KCNAB2: variants seen among roughly 807,000 people sequenced by gnomAD.
KCNAB2 encodes the protein potassium voltage-gated channel subfamily A regulatory beta subunit 2, also known as voltage-gated potassium channel subunit beta-2.
A neutral mutation model predicts 63.6 loss-of-function variants in KCNAB2; 29 were observed. That is an observed-to-expected ratio of 0.46 (90% CI 0.34 to 0.62). The LOEUF (loss-of-function observed/expected upper bound fraction) is 0.62, where lower values mean the gene tolerates loss of function less well. KCNAB2 is among the 20% of genes least tolerant of loss of function. The pLI is 0.01. For synonymous variants in KCNAB2, 222 were observed against 224.2 expected (o/e 0.99, Z 0.09); for missense variants, 359 against 563.9 (o/e 0.64, Z 3.68).
intron 1 of KCNAB2, among the ~76,000 whole-genome samples, chr1:6,012,837 G>C (rs930671996): frequency 2.0e-5 from 3 of 152,014 alleles, no homozygotes; most frequent in African/African-American, 7.3e-5. Context: ...GTCGTGAGCT[G>C]TGTGTGTGTT....
intron 5 of KCNAB2, among the ~76,000 whole-genome samples, chr1:6,084,653 T>C (rs953564189): frequency 1.3e-5 from 2 of 152,082 alleles, no homozygotes; most frequent in African/African-American, 2.4e-5. Context: ...CCGTCTCTAC[T>C]AAAAATACAA....
Position 6,045,897 on chromosome 1 carries a change from T to C in KCNAB2, c.-313T>C. ...AACCCCACGCACCGGGAGTCAGCCT[T>C]GCCAGGTTGCAGCACGGAACTGCAC... On this transcript the variant is annotated 5_prime_UTR_variant, in exon 1 of 16. Coordinates refer to ENST00000378083, the MANE Select transcript of KCNAB2 (RefSeq NM_001199862.2). The surrounding 1 kb of genome is among the most constrained non-coding windows in gnomAD (Gnocchi z 4.8). The C allele has an allele frequency of 1.0e-6, 1 of 985,434 alleles. No homozygotes were observed. The highest frequency in any genetic ancestry group is 4.7e-5 in the South Asian group (1 of 21,286). 61.0% of individuals were successfully genotyped at this position (985,434 alleles called of 1,614,324 possible). A position where few individuals can be genotyped will look rare whatever the true frequency, so the allele number is the denominator to read the frequency against.
intron 6 of KCNAB2, 116 bp downstream of exon 6, chr1:6,085,364 T>C: frequency 2.3e-6 from 2 of 879,222 alleles, no homozygotes; most frequent in Non-Finnish European, 3.7e-6. Context: ...CCCACATCTT[T>C]CTTGCTGGGA....
chr1:6,083,850 G>A (rs1302014114), intron 5 of KCNAB2, among the ~76,000 whole-genome samples: 2 of 152,174 alleles, frequency 1.3e-5, no homozygotes, highest in East Asian at 1.9e-4. Context: ...TCTGTGTCCC[G>A]CGAACAGATG....
In KCNAB2 at chr1:6,078,275, C is replaced by G. The variant is rs1333671388; in HGVS notation, c.301-3920C>G. Among the ~76,000 whole-genome samples, 1 of 152,244 alleles carries G rather than the reference C, an allele frequency of 6.6e-6. No individual in the cohort carries two copies. The highest frequency in any genetic ancestry group is 1.5e-5 in the Non-Finnish European group (1 of 68,046). ...GTCACCTGTGATGGCACTGAGGGCC[C>G]ACTTAGCTAAGCCAGGACATTCTCC... On this transcript the variant is annotated intron_variant, in intron 4 of 15. Coordinates refer to ENST00000378083, the MANE Select transcript of KCNAB2 (RefSeq NM_001199862.2). The surrounding 1 kb of genome is among the most constrained non-coding windows in gnomAD (Gnocchi z 4.2).
At chr1:6,057,480 A>AGG (rs3838291) in intron 2 of KCNAB2, among the ~76,000 whole-genome samples, 2 of 151,924 alleles carry the variant, frequency 1.3e-5, no homozygotes, top group Non-Finnish European at 2.9e-5. Context: ...AGCAGAGACC[A>AGG]GGGGGGATGG....
intron 1 of KCNAB2, among the ~76,000 whole-genome samples, chr1:6,004,841 A>G (rs1657463533): frequency 1.3e-5 from 2 of 151,610 alleles, no homozygotes; most frequent in African/African-American, 4.8e-5. Flanking sequence ...TCCCACCTCC[A>G]GCCCCGTCTC....
intron 7 of KCNAB2, 136 bp from the exon 8 acceptor site, chr1:6,088,872 C>G (rs906879599): frequency 9.7e-6 from 8 of 825,674 alleles, no homozygotes; most frequent in Admixed American, 4.8e-5. Context: ...GTCCCTACCC[C>G]CAAAGTGGAA....
Position 6,099,609 on chromosome 1 carries a change from C to A in KCNAB2, c.*1035C>A. Reference sequence around the variant, plus strand: ...AGCCGCCCGCCAGCCCAGGCCGCTGCTCTGCACCGAGCTGGTGGGCTTGGG... The same window carrying A: ...AGCCGCCCGCCAGCCCAGGCCGCTGATCTGCACCGAGCTGGTGGGCTTGGG... On this transcript the variant is annotated 3_prime_UTR_variant, in exon 16 of 16. Transcript: ENST00000378083. 1 of 735,856 alleles carries A rather than the reference C, an allele frequency of 1.4e-6. No individual in the cohort carries two copies. Among genetic ancestry groups the A allele is most frequent in the Non-Finnish European group, 2.1e-6 (1 of 482,130 alleles). The allele number at this position is 735,856 out of a possible 1,614,324, so 45.6% of individuals were successfully genotyped here. A position where few individuals can be genotyped will look rare whatever the true frequency, so the allele number is the denominator to read the frequency against.
intron 1 of KCNAB2, among the ~76,000 whole-genome samples, chr1:6,012,965 C>T (rs1658278874): frequency 6.6e-6 from 1 of 152,198 alleles, no homozygotes; most frequent in East Asian, 1.9e-4. Context: ...TGCAGGCTGC[C>T]CTCTCCCACT....
chr1:6,051,491 A>C lies in KCNAB2; in HGVS notation c.-26-20A>C. ...ACGTGGGGCATTGGCACACTGTCTA[A>C]CTCATCACCGTCTGGACAGTGGCAG... On this transcript the variant is annotated intron_variant, in intron 1 of 15. Transcript: ENST00000378083. The C allele has an allele frequency of 1.4e-6, 2 of 1,475,596 alleles. No individual in the cohort carries two copies. Among genetic ancestry groups the C allele is most frequent in the Non-Finnish European group, 1.8e-6 (2 of 1,109,968 alleles). The allele number at this position is 1,475,596 out of a possible 1,614,324, so 91.4% of individuals were successfully genotyped here.
upstream of KCNAB2, among the ~76,000 whole-genome samples, chr1:6,043,318 C>T (rs1002109924): frequency 6.6e-6 from 1 of 152,142 alleles, no homozygotes; most frequent in Non-Finnish European, 1.5e-5. Flanking sequence ...CAAGGGCCTG[C>T]CCCTAGGAGG....
At chr1:6,047,438 C>A (rs1162368443) in intron 1 of KCNAB2, among the ~76,000 whole-genome samples, 2 of 152,150 alleles carry the variant, frequency 1.3e-5, no homozygotes, top group Admixed American at 6.5e-5. Context: ...ATCCTTCTTC[C>A]CCTGGGGCAG....
rs2100652274 is a variant in KCNAB2, at chr1:6,071,834, G to A, written c.219-921G>A. On this transcript the variant is annotated intron_variant, in intron 2 of 15. Transcript: ENST00000378083. This position sits in a 1 kb window ranked among gnomAD's most constrained non-coding sequence, Gnocchi z 8.5. ...CGCGAGGGCACCTCCTGCCGCATAG[G>A]GCACCTCCTGCCGCGAGGGCACCTC... Among the ~76,000 whole-genome samples the A allele has an allele frequency of 6.7e-6, 1 of 150,102 alleles. No individual in the cohort carries two copies. Among genetic ancestry groups the A allele is most frequent in the South Asian group, 2.1e-4 (1 of 4,708 alleles).
chr1:6,057,838 ATCTC>A (rs916978366), intron 2 of KCNAB2, among the ~76,000 whole-genome samples: 10 of 151,562 alleles, frequency 6.6e-5, no homozygotes, highest in Non-Finnish European at 8.8e-5. Flanking sequence ...CTGTCTCCAA[ATCTC>A]TCTCTCCTTA....
chr1:6,042,159 C>G (rs1001128750), upstream of KCNAB2, among the ~76,000 whole-genome samples: 2 of 152,166 alleles, frequency 1.3e-5, no homozygotes, highest in Non-Finnish European at 2.9e-5. Context: ...CCAAATCTAC[C>G]GTTAAAGCTT....
intron 13 of KCNAB2, chr1:6,095,971 TG>T: frequency 2.4e-6 from 1 of 409,014 alleles, no homozygotes; most frequent in South Asian, 1.8e-5. Flanking sequence ...CCCCTGGGCC[TG>T]GGCTCCGAGA....
chr1:6,062,399 C>T (rs1289379745), intron 2 of KCNAB2, among the ~76,000 whole-genome samples: 2 of 152,146 alleles, frequency 1.3e-5, no homozygotes, highest in East Asian at 3.8e-4. Context: ...AACGCCATTC[C>T]CCCAGTAAGT....
intron 1 of KCNAB2, among the ~76,000 whole-genome samples, chr1:5,993,956 G>A (rs1221869887): frequency 6.6e-6 from 1 of 152,176 alleles, no homozygotes; most frequent in Non-Finnish European, 1.5e-5. Context: ...ACCGCCACTG[G>A]GGGTTGTCTT....
Sources: allele counts gnomAD v4.1 joint callset (sites outside exome capture counted in the v4.1 genomes callset), GRCh38; gene constraint gnomAD v4.1.1; non-coding constraint Gnocchi (gnomAD v3.1); transcripts MANE v1.5; gene names NCBI Gene and HGNC (gene_info 2026-07-23, HGNC 2026-07-21).